The following IQCE variants were observed in gnomAD, a reference collection of about 807,000 sequenced individuals.
IQCE encodes IQ domain-containing protein E.
IQCE carries 115 observed loss-of-function variants against 96.0 expected under a neutral mutation model. That is an observed-to-expected ratio of 1.20 (90% CI 1.03 to 1.40). The LOEUF is 1.40. IQCE is among the 40% of genes most tolerant of loss of function. The pLI, the probability that IQCE is intolerant of heterozygous loss-of-function variation, is 0.00. For missense variants in IQCE, 1,041 were observed against 909.1 expected, an observed-to-expected ratio of 1.15 and a Z score of -1.87; for synonymous variants, 412 against 371.2, an observed-to-expected ratio of 1.11 and a Z score of -1.26.
At chr7:2,594,760 C>G in intron 15 of IQCE, 126 bp from the exon 16 acceptor site, 1 of 719,772 alleles carries the variant, frequency 1.4e-6, no homozygotes, top group East Asian at 2.5e-5. Context: ...ATGGCCCCAC[C>G]AGCTCTCTAC....
At chr7:2,578,854 A>G (rs534876361) in intron 8 of IQCE, among the ~76,000 whole-genome samples, 1 of 152,296 alleles carries the variant, frequency 6.6e-6, no homozygotes, top group East Asian at 1.9e-4. Flanking sequence ...TGAGGTCAGG[A>G]GTTCGAGACC....
chr7:2,601,535 T>A (rs1784433571), intron 18 of IQCE, 71 bp downstream of exon 18: 2 of 1,048,348 alleles, frequency 1.9e-6, no homozygotes, highest in Non-Finnish European at 3.0e-6. Flanking sequence ...AGGGGATATT[T>A]AAAGATGTGT....
intron 17 of IQCE, among the ~76,000 whole-genome samples, chr7:2,600,109 T>G (rs1312291574): frequency 6.6e-6 from 1 of 152,222 alleles, no homozygotes; most frequent in Non-Finnish European, 1.5e-5. Flanking sequence ...TTTTTTCTTT[T>G]CAAAGACATT....
At position 2,607,208 on chromosome 7, in the gene IQCE, C is replaced by T. The variant is rs756312907; in HGVS notation, c.1950C>T (p.Pro650=). 2 of 1,613,924 alleles carry T rather than the reference C, an allele frequency of 1.2e-6. No individual in the cohort carries two copies. The highest frequency in any genetic ancestry group is 1.1e-5 in the South Asian group (1 of 91,022). The stretch of plus-strand genomic sequence containing the variant: ...CACACGGGGACGCCTCCTCCCCACC[C>T]TTCCTCGCAGCTCTTCCTGGTAATT... The part of the protein sequence containing the change: ...SATHGDASSP[P]FLAALPDPSP... Residue 650 remains proline (P), a synonymous_variant, in exon 21 of 22, where the codon CCC becomes CCT. Transcript: ENST00000402050.
At chr7:2,568,854 GCT>G in intron 2 of IQCE, 98 bp from the exon 3 acceptor site, 1 of 1,092,228 alleles carries the variant, frequency 9.2e-7, no homozygotes, top group Non-Finnish European at 1.4e-6. Flanking sequence ...TCCTCTTGCT[GCT>G]CTTACACGAC....
chr7:2,577,896 TGTCGTGTGCG>T (rs1782300151), intron 6 of IQCE, among the ~76,000 whole-genome samples: 1 of 120,190 alleles, frequency 8.3e-6, no homozygotes, highest in Non-Finnish European at 1.7e-5. Flanking sequence ...GTGCCCGCAG[TGTCGTGTGCG>T]TGGCTGTGCG....
At chr7:2,560,459 A>C (rs1409851759) in intron 1 of IQCE, among the ~76,000 whole-genome samples, 1 of 152,188 alleles carries the variant, frequency 6.6e-6, no homozygotes, top group Non-Finnish European at 1.5e-5. Flanking sequence ...CTGCACCCGC[A>C]GTAGGGGCTT....
chr7:2,610,208 C>T lies in IQCE; in HGVS notation c.*46C>T. 1 of 1,083,780 alleles carries T rather than the reference C, an allele frequency of 9.2e-7. No homozygotes were observed. The highest frequency in any genetic ancestry group is 1.4e-6 in the Non-Finnish European group (1 of 695,820). 67.1% of individuals were successfully genotyped at this position (1,083,780 alleles called of 1,614,324 possible). A position where few individuals can be genotyped will look rare whatever the true frequency, so the allele number is the denominator to read the frequency against. On this transcript the variant is annotated 3_prime_UTR_variant, in exon 22 of 22. Coordinates refer to ENST00000402050, the MANE Select transcript of IQCE (RefSeq NM_152558.5). ...GCCGTGATGGCAGCGCTGCCGAGGA[C>T]ATAGGAACCACGACTGGAAAGATAA...
In IQCE at chr7:2,576,692, C is replaced by T. The variant is rs117854637; in HGVS notation, c.466-1550C>T. On this transcript the variant is annotated intron_variant, in intron 6 of 21. Transcript: ENST00000402050. ...GGGATTACAGGGGTAAGCCACCGTG[C>T]CCGGCCCCGACTACACAGTCTTTTT... Among the ~76,000 whole-genome samples the T allele has an allele frequency of 5.8e-3, 883 of 152,240 alleles. 7 individuals carry two copies. Among genetic ancestry groups the T allele is most frequent in the Non-Finnish European group, 0.01 (688 of 68,014 alleles).
intron 16 of IQCE, among the ~76,000 whole-genome samples, chr7:2,597,313 A>T (rs769254012): frequency 6.6e-6 from 1 of 152,246 alleles, no homozygotes; most frequent in Non-Finnish European, 1.5e-5. Flanking sequence ...TGGGCACCAG[A>T]TTAGCTGCTC....
chr7:2,610,031 T>C lies in IQCE; in HGVS notation c.1970-13T>C. 6.8e-7 allele frequency: 1 copy of C among 1,461,262 alleles called. No homozygotes were observed. Among genetic ancestry groups the C allele is most frequent in the Non-Finnish European group, 9.6e-7 (1 of 1,040,636 alleles). 90.5% of individuals were successfully genotyped at this position (1,461,262 alleles called of 1,614,324 possible). A position where few individuals can be genotyped will look rare whatever the true frequency, so the allele number is the denominator to read the frequency against. On this transcript the variant is annotated splice_polypyrimidine_tract_variant and intron_variant, in intron 21 of 21. Coordinates refer to ENST00000402050, the MANE Select transcript of IQCE (RefSeq NM_152558.5). ...GCGTGGCTGACCCCTCTCCCTGTGG[T>C]TCATTTCTGCAGACCCCTCTCCCTC...
At chr7:2,597,023 C>T (rs1306741576) in intron 16 of IQCE, 6 of 471,234 alleles carry the variant, frequency 1.3e-5, no homozygotes, top group Admixed American at 1.2e-4. Flanking sequence ...TCCCTAGAAA[C>T]AGGAGGCAGG....
chr7:2,571,683 C>T (rs754392849), intron 4 of IQCE, 29 bp downstream of exon 4: 106 of 1,583,494 alleles, frequency 6.7e-5, no homozygotes, highest in Non-Finnish European at 8.4e-5. Context: ...GGAGACCCTT[C>T]CTGCTTGAGA....
chr7:2,606,338 C>T (rs73043180), intron 20 of IQCE, among the ~76,000 whole-genome samples: 18,549 of 152,174 alleles, frequency 0.12, 1,202 homozygotes, highest in Admixed American at 0.16. Flanking sequence ...GCTGATAGGT[C>T]ATCCCTGTGA....
At chr7:2,559,303 C>G in intron 1 of IQCE, 86 bp downstream of exon 1, 2 of 767,724 alleles carry the variant, frequency 2.6e-6, no homozygotes, top group Non-Finnish European at 3.5e-6. Context: ...GGGCCCCGCG[C>G]AGGGGCCGGC....
chr7:2,586,815 G>A (rs926782016), intron 12 of IQCE, among the ~76,000 whole-genome samples: 8 of 152,226 alleles, frequency 5.3e-5, no homozygotes, highest in Non-Finnish European at 1.2e-4. Context: ...GGACAGGCGG[G>A]GCAGAGCTGA....
At chr7:2,577,521 T>C (rs1782246293) in intron 6 of IQCE, among the ~76,000 whole-genome samples, 2 of 137,536 alleles carry the variant, frequency 1.5e-5, no homozygotes, top group Admixed American at 7.2e-5. Flanking sequence ...CGGGGACGTG[T>C]GTGCGGCGTG....
At chr7:2,607,648 C>A in intron 21 of IQCE, 2 of 813,144 alleles carry the variant, frequency 2.5e-6, no homozygotes, top group Non-Finnish European at 3.1e-6. Flanking sequence ...CTCATCCCTG[C>A]TCTGCCCGGA....
rs537557585 is a variant in IQCE at position 2,588,922 on chromosome 7, T to G, written c.1045-985T>G. Among the ~76,000 whole-genome samples the G allele has an allele frequency of 7.9e-5, 12 of 151,774 alleles. No homozygotes were observed. In the South Asian group the frequency reaches 2.5e-3, roughly 32 times the overall value. On this transcript the variant is annotated intron_variant, in intron 13 of 21. Transcript: ENST00000402050. The stretch of plus-strand genomic sequence containing the variant: ...TTCAAGTGATCTGCCTGTCTTGGCC[T>G]TTAAAGTGCTGGGATTACAGTCGTG...
Sources: allele counts gnomAD v4.1 joint callset (sites outside exome capture counted in the v4.1 genomes callset), GRCh38; gene constraint gnomAD v4.1.1; transcripts MANE v1.5; gene names NCBI Gene and HGNC (gene_info 2026-07-23, HGNC 2026-07-21).